Variants in PHF14 observed in about 807,000 individuals in gnomAD.
The protein encoded by PHF14 is PHD finger protein 14.
PHF14 carries 55 observed loss-of-function variants against 117.9 expected under a neutral mutation model. That is an observed-to-expected ratio of 0.47 (90% CI 0.38 to 0.58). The LOEUF (loss-of-function observed/expected upper bound fraction) is 0.58. PHF14 is among the 20% of genes least tolerant of loss of function. The pLI, the probability that PHF14 is intolerant of heterozygous loss-of-function variation, is 0.00. For synonymous variants in PHF14, 409 were observed against 368.6 expected (o/e 1.11, Z -1.26); for missense variants, 978 against 1,122.2 (o/e 0.87, Z 1.84).
At chr7:11,055,061 T>C (rs1389062340) in intron 14 of PHF14, among the ~76,000 whole-genome samples, 2 of 152,100 alleles carry the variant, frequency 1.3e-5, no homozygotes, top group Admixed American at 1.3e-4. Context: ...CCATTCTTCT[T>C]ATGTTTCATC....
At chr7:11,033,258 A>G (rs1024390177) in intron 7 of PHF14, among the ~76,000 whole-genome samples, 1 of 152,066 alleles carries the variant, frequency 6.6e-6, no homozygotes, top group Non-Finnish European at 1.5e-5. Flanking sequence ...AGTTGAATTC[A>G]CTCTAATATA....
intron 17 of PHF14, among the ~76,000 whole-genome samples, chr7:11,133,696 T>A (rs34665460): frequency 6.6e-6 from 1 of 151,660 alleles, no homozygotes; most frequent in East Asian, 1.9e-4. Context: ...GTGTCCTTAC[T>A]GCACTTTTCA....
At chr7:11,069,621 C>G (rs1458544653) in intron 16 of PHF14, among the ~76,000 whole-genome samples, 1 of 126,476 alleles carries the variant, frequency 7.9e-6, no homozygotes, top group African/African-American at 3.0e-5. Flanking sequence ...CTCCCTCCCT[C>G]CCTTCTTTCC....
chr7:11,071,468 C>G lies in PHF14; in HGVS notation c.2654+9383C>G, dbSNP rs1785609491. On this transcript the variant is annotated intron_variant, in intron 16 of 17. Transcript: ENST00000634607. ...GTAGAAAATAAGTCAGTTTAAAACA[C>G]CCACTTCCTTTGATAAATAGCAGAT... 2.6e-5 allele frequency among the ~76,000 whole-genome samples: 4 copies of G among 152,166 alleles called. No homozygotes were observed. In the South Asian group the frequency reaches 8.3e-4, roughly 32 times the overall value.
chr7:11,058,043 A>T (rs895761148), intron 14 of PHF14, among the ~76,000 whole-genome samples: 2 of 152,204 alleles, frequency 1.3e-5, no homozygotes, highest in Admixed American at 6.5e-5. Context: ...TCTGTGTTAC[A>T]TTCTAAAGCA....
chr7:10,997,438 A>G (rs1782699393), intron 4 of PHF14, among the ~76,000 whole-genome samples: 1 of 152,208 alleles, frequency 6.6e-6, no homozygotes, highest in African/African-American at 2.4e-5. Flanking sequence ...CTTATTTTAG[A>G]TGCTGTATTG....
intron 17 of PHF14, among the ~76,000 whole-genome samples, chr7:11,136,039 A>G (rs889017240): frequency 1.3e-5 from 2 of 152,186 alleles, no homozygotes; most frequent in African/African-American, 2.4e-5. Context: ...AGCTTTTGGT[A>G]TACATAAGTA....
chr7:10,984,809 A>G (rs941234737), intron 3 of PHF14, among the ~76,000 whole-genome samples: 5 of 152,180 alleles, frequency 3.3e-5, no homozygotes, highest in African/African-American at 1.2e-4. Flanking sequence ...TTTAAAGTCC[A>G]TGTGTTGGTT....
At position 11,106,802 on chromosome 7, in the gene PHF14, C is replaced by T. The variant is rs139912759; in HGVS notation, c.2655-4548C>T. The T allele has an allele frequency of 3.4e-4, 336 of 984,286 alleles. No homozygotes were observed. In the African/African-American group the frequency reaches 5.4e-3, roughly 16 times the overall value. The allele number at this position is 984,286 out of a possible 1,614,324, so 61.0% of individuals were successfully genotyped here. On this transcript the variant is annotated intron_variant, in intron 16 of 17. Coordinates refer to ENST00000634607, the MANE Select transcript of PHF14 (RefSeq NM_001007157.2). ...GAAAAAGTTGGAAAATCCAACCCAT[C>T]AGTTCTCTGGATATTTAGTTTTTTT...
At chr7:11,013,130 T>G (rs1783409617) in intron 4 of PHF14, among the ~76,000 whole-genome samples, 1 of 152,142 alleles carries the variant, frequency 6.6e-6, no homozygotes, top group East Asian at 1.9e-4. Context: ...TAATCTAAAT[T>G]CTTTAATGAC....
intron 12 of PHF14, among the ~76,000 whole-genome samples, chr7:11,041,675 C>CATTA (rs1488265569): frequency 6.6e-6 from 1 of 151,818 alleles, no homozygotes; most frequent in Non-Finnish European, 1.5e-5. Context: ...ACAATGTGAA[C>CATTA]ATTAGCACAT....
chr7:11,037,386 G>A (rs1038783065), intron 10 of PHF14, among the ~76,000 whole-genome samples: 5 of 152,104 alleles, frequency 3.3e-5, no homozygotes, highest in African/African-American at 9.7e-5. Flanking sequence ...GAATCCTGAA[G>A]AAGTTAAATA....
intron 17 of PHF14, among the ~76,000 whole-genome samples, chr7:11,111,751 C>G (rs1461802422): frequency 3.3e-5 from 5 of 152,018 alleles, no homozygotes; most frequent in African/African-American, 1.2e-4. Flanking sequence ...AAACAGATCA[C>G]TCTCTGCTAA....
intron 14 of PHF14, among the ~76,000 whole-genome samples, chr7:11,054,225 G>T (rs1784941935): frequency 6.6e-6 from 1 of 152,016 alleles, no homozygotes; most frequent in Middle Eastern, 3.2e-3. Flanking sequence ...TTGAAATGTA[G>T]ACTTTGGACC....
At chr7:11,064,620 G>C (rs903332929) in intron 16 of PHF14, among the ~76,000 whole-genome samples, 3 of 151,706 alleles carry the variant, frequency 2.0e-5, no homozygotes, top group African/African-American at 7.3e-5. Flanking sequence ...ATGTAATTCA[G>C]GCTATATAGA....
At chr7:11,000,232 C>T (rs932711563) in intron 4 of PHF14, among the ~76,000 whole-genome samples, 6 of 151,808 alleles carry the variant, frequency 4.0e-5, no homozygotes, top group Non-Finnish European at 8.8e-5. Context: ...TTCCCATTTC[C>T]CTTTTTAATT....
At chr7:10,988,659 A>G (rs1431653309) in intron 3 of PHF14, among the ~76,000 whole-genome samples, 1 of 150,978 alleles carries the variant, frequency 6.6e-6, no homozygotes, top group African/African-American at 2.4e-5. Context: ...TTTTGGGGGT[A>G]CAAGGAAGAT....
At chr7:10,986,859 G>T (rs530068761) in intron 3 of PHF14, among the ~76,000 whole-genome samples, 2 of 152,120 alleles carry the variant, frequency 1.3e-5, no homozygotes, top group Non-Finnish European at 2.9e-5. Flanking sequence ...AATAGAATTG[G>T]CATTTTTGTT....
intron 16 of PHF14, among the ~76,000 whole-genome samples, chr7:11,078,839 T>A (rs919368783): frequency 1.3e-5 from 2 of 152,162 alleles, no homozygotes; most frequent in African/African-American, 4.8e-5. Context: ...AATGTTTTAA[T>A]CTGAAAAATT....
Sources: allele counts gnomAD v4.1 joint callset (sites outside exome capture counted in the v4.1 genomes callset), GRCh38; gene constraint gnomAD v4.1.1; transcripts MANE v1.5; gene names NCBI Gene and HGNC (gene_info 2026-07-23, HGNC 2026-07-21).